EXT2: variants seen among roughly 807,000 people sequenced by gnomAD.
EXT2 encodes exostosin-2.
EXT2 carries 53 observed loss-of-function variants against 81.6 expected under a neutral mutation model. That is an observed-to-expected ratio of 0.65 (90% confidence interval 0.52 to 0.82). EXT2 has a LOEUF of 0.82. Ranked by LOEUF, EXT2 falls within the 40% of genes least tolerant of loss-of-function variation. The pLI is 0.00. For synonymous variants in EXT2, 320 were observed against 340.0 expected (o/e 0.94, Z 0.65); for missense variants, 774 against 910.2 (o/e 0.85, Z 1.93).
At chr11:44,227,432 A>G (rs77980054) in intron 10 of EXT2, among the ~76,000 whole-genome samples, 4,714 of 152,348 alleles carry the variant, frequency 0.031, 260 homozygotes, top group African/African-American at 0.11. Context: ...GTTAAAGGAC[A>G]TCAGAATTCA....
At chr11:44,187,041 CCT>C (rs1955323612) in intron 8 of EXT2, among the ~76,000 whole-genome samples, 1 of 146,336 alleles carries the variant, frequency 6.8e-6, no homozygotes, top group Non-Finnish European at 1.5e-5. Flanking sequence ...TTCCTTCCTT[CCT>C]TCCCTCCTTC....
Position 44,232,453 on chromosome 11 carries a change from AT to A in EXT2, c.1764del (p.Asn588LysfsTer33). The A allele has an allele frequency of 6.2e-7, 1 of 1,614,076 alleles. No individual in the cohort carries two copies. The highest frequency in any genetic ancestry group is 8.5e-7 in the Non-Finnish European group (1 of 1,179,958). On this transcript the variant is annotated frameshift_variant, in exon 11 of 14. Coordinates refer to ENST00000533608, the MANE Select transcript of EXT2 (RefSeq NM_207122.2). LOFTEE classifies it high-confidence loss of function. ...NKWKYESEWTNEVSMVLTGAA... is the reference protein window; with the variant it reads ...NKWKYESEWTXEVSMVLTGAA... The stretch of plus-strand genomic sequence containing the variant: ...TGGAAGTATGAGTCTGAGTGGACGA[AT>A]GAAGTGTCCATGGTGCTCACTGGGG...
chr11:44,161,854 C>T (rs1954932349), intron 7 of EXT2, among the ~76,000 whole-genome samples: 1 of 152,148 alleles, frequency 6.6e-6, no homozygotes, highest in African/African-American at 2.4e-5. Flanking sequence ...AAATCTATAA[C>T]CTCAATCTAA....
intron 7 of EXT2, among the ~76,000 whole-genome samples, chr11:44,164,468 T>C (rs1954966466): frequency 6.6e-6 from 1 of 152,236 alleles, no homozygotes; most frequent in Non-Finnish European, 1.5e-5. Flanking sequence ...TATGCCACAC[T>C]GGCTTCTCTT....
chr11:44,128,817 T>G (rs1954447068), intron 6 of EXT2, among the ~76,000 whole-genome samples: 1 of 152,208 alleles, frequency 6.6e-6, no homozygotes, highest in Non-Finnish European at 1.5e-5. Flanking sequence ...GTCTCAGTTC[T>G]CCCATCTGTA....
intron 10 of EXT2, among the ~76,000 whole-genome samples, chr11:44,213,017 TAA>T (rs1955671170): frequency 6.6e-6 from 1 of 152,182 alleles, no homozygotes; most frequent in Non-Finnish European, 1.5e-5. Context: ...ATTATACCTT[TAA>T]AATTGATAGT....
intron 13 of EXT2, among the ~76,000 whole-genome samples, chr11:44,239,171 G>T (rs1485324627): frequency 6.6e-6 from 1 of 152,082 alleles, no homozygotes; most frequent in Non-Finnish European, 1.5e-5. Context: ...ATGTGGGGAG[G>T]CTATGAAGAA....
Position 44,244,394 on chromosome 11 carries a change from C to A in EXT2, c.*107C>A. ...AGTAGGTTAAGGGTGGAAGGTTGACCTACTTGGATCTTGGCATGCACCCAC... is the reference window on the plus strand; with the variant it reads ...AGTAGGTTAAGGGTGGAAGGTTGACATACTTGGATCTTGGCATGCACCCAC... On this transcript the variant is annotated 3_prime_UTR_variant, in exon 14 of 14. Coordinates refer to ENST00000533608, the MANE Select transcript of EXT2 (RefSeq NM_207122.2). 7.8e-7 allele frequency: 1 copy of A among 1,278,294 alleles called. No homozygotes were observed. The highest frequency in any genetic ancestry group is 1.1e-6 in the Non-Finnish European group (1 of 885,038). The allele number at this position is 1,278,294 out of a possible 1,614,324, so 79.2% of individuals were successfully genotyped here. A position where few individuals can be genotyped will look rare whatever the true frequency, so the allele number is the denominator to read the frequency against.
chr11:44,124,444 T>TACACACACACAC lies in EXT2; in HGVS notation c.744-317_744-306dup, dbSNP rs57261356. Among the ~76,000 whole-genome samples the TACACACACACAC allele has an allele frequency of 1.9e-3, 275 of 145,030 alleles. 2 individuals are homozygous for TACACACACACAC. Among genetic ancestry groups the TACACACACACAC allele is most frequent in the African/African-American group, 5.9e-3 (231 of 39,022 alleles). On this transcript the variant is annotated intron_variant, in intron 4 of 13. Coordinates refer to ENST00000533608, the MANE Select transcript of EXT2 (RefSeq NM_207122.2). ...CCTTCCAAATTATCAGTTTCTCTCC[T>TACACACACACAC]ACACACACACACACACACACACACA... is the stretch of plus-strand genomic sequence containing the variant.
Position 44,109,641 on chromosome 11 carries a change from T to C in EXT2, c.626+358T>C, listed in dbSNP as rs529174420. 7.9e-5 allele frequency among the ~76,000 whole-genome samples: 12 copies of C among 152,286 alleles called. No homozygotes were observed. In the South Asian group the frequency reaches 2.3e-3, roughly 29 times the overall value. ...TTACTGAGAGAAGGTAGCGTGGATA[T>C]GTAAAAGCGATACCCAAAGCCTATA... On this transcript the variant is annotated intron_variant, in intron 3 of 13. Coordinates refer to ENST00000533608, the MANE Select transcript of EXT2 (RefSeq NM_207122.2).
At chr11:44,143,692 T>A (rs1954676618) in intron 7 of EXT2, among the ~76,000 whole-genome samples, 1 of 152,156 alleles carries the variant, frequency 6.6e-6, no homozygotes, top group African/African-American at 2.4e-5. Flanking sequence ...CATAGAGGAC[T>A]CATGTGCCTC....
In EXT2 at chr11:44,232,402, A is replaced by C; in HGVS notation, c.1712A>C (p.His571Pro). Residue 571 changes from histidine to proline, a missense_variant, in exon 11 of 14, where the codon CAT becomes CCT. Physicochemically the swap from His to Pro is moderately conservative, Grantham distance 77. Transcript: ENST00000533608. The stretch of plus-strand genomic sequence containing the variant: ...TTGGTGGGTTACCCGGGTCGTCTGC[A>C]TCTCTGGGACCATGAGATGAATAAG... ...DRLVGYPGRL[H>P]LWDHEMNKWK... The C allele has an allele frequency of 6.2e-7, 1 of 1,614,056 alleles. No individual in the cohort carries two copies. Among genetic ancestry groups the C allele is most frequent in the Non-Finnish European group, 8.5e-7 (1 of 1,180,000 alleles).
intron 4 of EXT2, among the ~76,000 whole-genome samples, chr11:44,124,290 C>T (rs758890648): frequency 6.6e-6 from 1 of 152,146 alleles, no homozygotes; most frequent in Non-Finnish European, 1.5e-5. Flanking sequence ...CAGCCCTTTC[C>T]AGAGCCCTTC....
At chr11:44,217,373 A>G (rs140053596) in intron 10 of EXT2, among the ~76,000 whole-genome samples, 3 of 152,228 alleles carry the variant, frequency 2.0e-5, no homozygotes, top group African/African-American at 7.2e-5. Flanking sequence ...TTGGAAGAAA[A>G]CAGAGGGGTT....
intron 7 of EXT2, among the ~76,000 whole-genome samples, chr11:44,160,634 T>C (rs992683062): frequency 1.7e-4 from 26 of 152,200 alleles, no homozygotes; most frequent in African/African-American, 6.3e-4. Context: ...AGTTTAGATA[T>C]GTTAAGTGCA....
chr11:44,193,557 C>T (rs571353813), intron 8 of EXT2, among the ~76,000 whole-genome samples: 16 of 152,158 alleles, frequency 1.1e-4, no homozygotes, highest in African/African-American at 3.9e-4. Context: ...ACCTGGATTC[C>T]GATTAAGAAC....
chr11:44,162,575 CAAAAAAAAAA>C (rs746211630), intron 7 of EXT2, among the ~76,000 whole-genome samples: 1 of 45,878 alleles, frequency 2.2e-5, no homozygotes, highest in Non-Finnish European at 4.8e-5. Flanking sequence ...GACTCCATCT[CAAAAAAAAAA>C]AAAAAAAAAA....
chr11:44,220,049 A>G lies in EXT2; in HGVS notation c.1663-12304A>G, dbSNP rs965143003. Among the ~76,000 whole-genome samples the G allele has an allele frequency of 6.6e-6, 1 of 152,132 alleles. No homozygotes were observed. On this transcript the variant is annotated intron_variant, in intron 10 of 13. Transcript: ENST00000533608. This position sits in a 1 kb window ranked among gnomAD's most constrained non-coding sequence, Gnocchi z 4.4. ...TATCTGGATGGTGGCCTGTATCCAG[A>G]GTGCAGTGTGGATCCAGTCTAGTAG...
At chr11:44,126,719 G>A in intron 5 of EXT2, 97 bp from the exon 6 acceptor site, 2 of 1,511,968 alleles carry the variant, frequency 1.3e-6, no homozygotes, top group Non-Finnish European at 1.8e-6. Context: ...GTATTGCTTG[G>A]CGTCAACCCT....
Sources: allele counts gnomAD v4.1 joint callset (sites outside exome capture counted in the v4.1 genomes callset), GRCh38; gene constraint gnomAD v4.1.1; non-coding constraint Gnocchi (gnomAD v3.1); transcripts MANE v1.5; gene names NCBI Gene and HGNC (gene_info 2026-07-23, HGNC 2026-07-21).